Variants in SGPL1 observed in about 807,000 individuals in gnomAD.
The protein encoded by SGPL1 is SP-lyase 1.
SGPL1 carries 37 observed loss-of-function variants against 68.9 expected under a neutral mutation model. That is an observed-to-expected ratio of 0.54 (90% confidence interval 0.41 to 0.71). The LOEUF (loss-of-function observed/expected upper bound fraction) is 0.71. Among genes scored for constraint, SGPL1 ranks in the 30% least tolerant of loss-of-function variants. SGPL1 has a pLI of 0.00. For synonymous variants in SGPL1, 236 were observed against 248.5 expected (o/e 0.95, Z 0.47); for missense variants, 551 against 704.6 (o/e 0.78, Z 2.47).
chr10:70,857,687 G>A lies in SGPL1; in HGVS notation c.483G>A (p.Val161=). 6.2e-7 allele frequency: 1 copy of A among 1,608,452 alleles called. No individual in the cohort carries two copies. Among genetic ancestry groups the A allele is most frequent in the Non-Finnish European group, 8.5e-7 (1 of 1,176,138 alleles). ...SGEEKLTELL[V]KAYGDFAWSN... is the part of the protein sequence containing the mutation. ...AGGAGAAGCTCACTGAGCTCCTTGT[G>A]AAGGTGAGTGTCCAGTTCTTGAGGG... Residue 161 remains valine (V), a synonymous_variant, in exon 6 of 15, where the codon GTG becomes GTA. Coordinates refer to ENST00000373202, the MANE Select transcript of SGPL1 (RefSeq NM_003901.4).
At chr10:70,864,908 C>T (rs745816780) in intron 7 of SGPL1, among the ~76,000 whole-genome samples, 1 of 152,188 alleles carries the variant, frequency 6.6e-6, no homozygotes, top group Non-Finnish European at 1.5e-5. Context: ...TATCAGAGTT[C>T]ACTCTCTTAT....
At chr10:70,854,505 C>T (rs182704725) in intron 4 of SGPL1, among the ~76,000 whole-genome samples, 7 of 152,154 alleles carry the variant, frequency 4.6e-5, no homozygotes, top group Admixed American at 3.3e-4. Context: ...AGAGAAGCTT[C>T]GCTTTTCAAA....
chr10:70,835,735 CAAAAAA>C (rs66962270), intron 2 of SGPL1, among the ~76,000 whole-genome samples: 1 of 70,130 alleles, frequency 1.4e-5, no homozygotes, highest in African/African-American at 6.0e-5. Flanking sequence ...GACTCCGTCT[CAAAAAA>C]AAAAAAAAAA....
rs138680279 is a variant in SGPL1 at position 70,855,218 on chromosome 10, A to G, written c.409+363A>G. ...AAGGCACAAAAGAAAATAAGTCACTATAATTCCACTATCAAAGATAAACAG... is the reference window on the plus strand; with the variant it reads ...AAGGCACAAAAGAAAATAAGTCACTGTAATTCCACTATCAAAGATAAACAG... On this transcript the variant is annotated intron_variant, in intron 5 of 14. Transcript: ENST00000373202. Among the ~76,000 whole-genome samples the G allele has an allele frequency of 2.0e-4, 30 of 152,394 alleles. No homozygotes were observed. The East Asian group carries it at 5.2e-3, about 26-fold the overall frequency.
chr10:70,872,583 G>A (rs914229463), intron 11 of SGPL1, among the ~76,000 whole-genome samples: 2 of 152,314 alleles, frequency 1.3e-5, no homozygotes, highest in African/African-American at 2.4e-5. Flanking sequence ...AGTATTAGCA[G>A]CCTCAGGAAT....
intron 2 of SGPL1, among the ~76,000 whole-genome samples, chr10:70,829,995 G>A (rs1845506329): frequency 6.6e-6 from 1 of 152,162 alleles, no homozygotes. Context: ...TTCTTAGGTA[G>A]TTATGGTTGC....
chr10:70,828,835 A>T (rs1162760401), intron 2 of SGPL1, among the ~76,000 whole-genome samples: 8 of 152,148 alleles, frequency 5.3e-5, no homozygotes, highest in African/African-American at 1.9e-4. Context: ...GTTTTGACAG[A>T]TGGGTCTAAA....
Position 70,881,037 on chromosome 10 carries a change from C to G in SGPL1, c.*3702C>G, listed in dbSNP as rs892401953. The G allele has an allele frequency of 2.0e-5, 3 of 152,056 alleles. No homozygotes were observed. The highest frequency in any genetic ancestry group is 4.8e-5 in the African/African-American group (2 of 41,410). The allele number at this position is 152,056 out of a possible 1,614,324, so 9.4% of individuals were successfully genotyped here. Reference sequence around the variant, plus strand: ...TAGGCAAAGTCAGATTTTTGAGAACCTTTTTCCTGATTTGAAGTTTTAATT... The same window carrying G: ...TAGGCAAAGTCAGATTTTTGAGAACGTTTTTCCTGATTTGAAGTTTTAATT... On this transcript the variant is annotated 3_prime_UTR_variant, in exon 15 of 15. Coordinates refer to ENST00000373202, the MANE Select transcript of SGPL1 (RefSeq NM_003901.4).
intron 11 of SGPL1, among the ~76,000 whole-genome samples, 155 bp downstream of exon 11, chr10:70,872,141 G>A (rs1846309411): frequency 6.6e-6 from 1 of 152,230 alleles, no homozygotes; most frequent in African/African-American, 2.4e-5. Context: ...CAGATCAGCT[G>A]GTTCAGGTGA....
chr10:70,859,359 A>T lies in SGPL1; in HGVS notation c.487-12A>T, dbSNP rs971051775. On this transcript the variant is annotated splice_polypyrimidine_tract_variant and intron_variant, in intron 6 of 14. Coordinates refer to ENST00000373202, the MANE Select transcript of SGPL1 (RefSeq NM_003901.4). Reference sequence around the variant, plus strand: ...TAGTTTTGATTTCACATCTGCTTGCATTTTTTTGCAGGCTTATGGAGATTT... The same window carrying T: ...TAGTTTTGATTTCACATCTGCTTGCTTTTTTTTGCAGGCTTATGGAGATTT... 1 of 1,429,498 alleles carries T rather than the reference A, an allele frequency of 7.0e-7. No homozygotes were observed. Among genetic ancestry groups the T allele is most frequent in the Non-Finnish European group, 9.2e-7 (1 of 1,082,102 alleles). 88.6% of individuals were successfully genotyped at this position (1,429,498 alleles called of 1,614,324 possible).
chr10:70,862,757 C>T (rs1045963818), intron 7 of SGPL1, among the ~76,000 whole-genome samples: 3 of 152,054 alleles, frequency 2.0e-5, no homozygotes, highest in African/African-American at 7.2e-5. Context: ...AGACCACGAA[C>T]GCACCAGAAG....
Position 70,869,885 on chromosome 10 carries a change from G to C in SGPL1, c.798G>C (p.Glu266Asp). 6.2e-7 allele frequency: 1 copy of C among 1,613,880 alleles called. No individual in the cohort carries two copies. ...IVRVPLTKMM[E>D]VDVRAMRRAI... The stretch of plus-strand genomic sequence containing the variant: ...GGGTCCCATTGACGAAGATGATGGA[G>C]GTGGATGTGCGGGTGAGTCCCTCTG... The change falls in exon 9 of 15, where the codon GAG (glutamate) becomes GAC (aspartate). Residue 266 changes from glutamate to aspartate, a missense_variant. Glu to Asp is a conservative substitution (Grantham distance 45). Transcript: ENST00000373202.
At chr10:70,842,652 C>T (rs1845733917) in intron 2 of SGPL1, among the ~76,000 whole-genome samples, 1 of 152,096 alleles carries the variant, frequency 6.6e-6, no homozygotes, top group Admixed American at 6.6e-5. Context: ...CCGGATCTCA[C>T]CTGAACTAAC....
chr10:70,841,549 T>TG (rs1194701473), intron 2 of SGPL1, among the ~76,000 whole-genome samples: 1 of 152,164 alleles, frequency 6.6e-6, no homozygotes, highest in Non-Finnish European at 1.5e-5. Context: ...ATTTGCTCTC[T>TG]GGGGGTCTCT....
chr10:70,846,507 A>G (rs1374183114), intron 3 of SGPL1, among the ~76,000 whole-genome samples: 7 of 152,196 alleles, frequency 4.6e-5, no homozygotes, highest in Non-Finnish European at 2.9e-5. Context: ...GTACGTTCAC[A>G]TTATTGTACA....
At chr10:70,825,044 A>G (rs1354482886) in intron 2 of SGPL1, among the ~76,000 whole-genome samples, 1 of 149,118 alleles carries the variant, frequency 6.7e-6, no homozygotes, top group Non-Finnish European at 1.5e-5. Context: ...GGCTCACTGC[A>G]ACCTCCGCCT....
At chr10:70,831,254 C>T (rs955624252) in intron 2 of SGPL1, among the ~76,000 whole-genome samples, 1 of 152,102 alleles carries the variant, frequency 6.6e-6, no homozygotes, top group East Asian at 1.9e-4. Flanking sequence ...CGAAGACTTC[C>T]GTGACCAAAC....
intron 2 of SGPL1, among the ~76,000 whole-genome samples, chr10:70,837,837 T>C (rs1845650217): frequency 6.6e-6 from 1 of 152,184 alleles, no homozygotes; most frequent in African/African-American, 2.4e-5. Flanking sequence ...TTCTAGAGGC[T>C]GGGAAGTCCA....
At chr10:70,857,462 T>C (rs1589465007) in intron 5 of SGPL1, 152 bp from the exon 6 acceptor site, 1 of 609,720 alleles carries the variant, frequency 1.6e-6, no homozygotes, top group Non-Finnish European at 2.9e-6. Flanking sequence ...TATTGAACTT[T>C]TTTCTTGATT....
Sources: gnomAD v4.1 joint callset for allele counts (sites outside exome capture counted in the v4.1 genomes callset) on GRCh38, gnomAD v4.1.1 for gene constraint, MANE v1.5 for transcripts, NCBI Gene and HGNC (gene_info 2026-07-23, HGNC 2026-07-21) for gene names.